Variants in MAF observed in about 807,000 individuals in gnomAD.
The protein encoded by MAF is MAF bZIP transcription factor.
MAF carries 10 observed loss-of-function variants against 22.0 expected under a neutral mutation model. That is an observed-to-expected ratio of 0.45 (90% CI 0.28 to 0.77). The LOEUF is 0.77. Among genes scored for constraint, MAF ranks in the 30% least tolerant of loss-of-function variants. MAF has a pLI of 0.12. For missense variants in MAF, 544 were observed against 548.4 expected (o/e 0.99, Z 0.08); for synonymous variants, 337 against 255.8 (o/e 1.32, Z -3.03).
At chr16:79,213,896 T>C in the MAF span, among the ~76,000 whole-genome samples, 1 of 152,218 alleles carries the variant, frequency 6.6e-6, no homozygotes, top group Non-Finnish European at 1.5e-5. Context: ...AATTTTTTTC[T>C]ACCCTACTTC....
At chr16:79,401,211 C>T in the MAF span, among the ~76,000 whole-genome samples, 1 of 152,236 alleles carries the variant, frequency 6.6e-6, no homozygotes, top group Admixed American at 6.5e-5. Context: ...TTTCTTTAAG[C>T]TAAGTGCATT....
the MAF span, among the ~76,000 whole-genome samples, chr16:79,512,924 C>T: frequency 6.6e-6 from 1 of 152,222 alleles, no homozygotes; most frequent in African/African-American, 2.4e-5. Context: ...ATCCAGGTGG[C>T]TGCAGATGTC....
chr16:79,319,999 C>A, the MAF span, among the ~76,000 whole-genome samples: 3 of 152,092 alleles, frequency 2.0e-5, no homozygotes, highest in African/African-American at 7.2e-5. Context: ...TAAGATCCAG[C>A]CCAGGTGATA....
chr16:79,448,004 G>A, the MAF span, among the ~76,000 whole-genome samples: 2 of 151,954 alleles, frequency 1.3e-5, no homozygotes, highest in African/African-American at 4.8e-5. Flanking sequence ...GCTGCTTATG[G>A]AAGAAAAAAG....
chr16:79,512,929 G>A, the MAF span, among the ~76,000 whole-genome samples: 2 of 152,348 alleles, frequency 1.3e-5, no homozygotes, highest in East Asian at 1.9e-4. Context: ...GGTGGCTGCA[G>A]ATGTCAAGCA....
the MAF span, among the ~76,000 whole-genome samples, chr16:79,251,229 G>A: frequency 1.9e-3 from 284 of 152,042 alleles, 3 homozygotes; most frequent in African/African-American, 6.5e-3. Flanking sequence ...CGCTGATTGC[G>A]CATTTGATGA....
the MAF span, among the ~76,000 whole-genome samples, chr16:79,469,841 C>G: frequency 6.6e-6 from 1 of 152,266 alleles, no homozygotes; most frequent in Admixed American, 6.5e-5. Context: ...GTGATCCACC[C>G]ACCTCGGCCT....
chr16:79,337,332 G>A, the MAF span, among the ~76,000 whole-genome samples: 63 of 152,222 alleles, frequency 4.1e-4, 1 homozygote, highest in Middle Eastern at 6.8e-3. Context: ...AGCACTTTGC[G>A]AGGCCGAGGC....
the MAF span, among the ~76,000 whole-genome samples, chr16:79,431,070 T>G: frequency 1.3e-5 from 2 of 152,096 alleles, no homozygotes; most frequent in Non-Finnish European, 1.5e-5. Flanking sequence ...TCATTTTCTT[T>G]GAATCAGAAC....
the MAF span, among the ~76,000 whole-genome samples, chr16:79,326,407 C>G: frequency 6.6e-6 from 1 of 152,196 alleles, no homozygotes; most frequent in Non-Finnish European, 1.5e-5. Context: ...CTTTTTCCAT[C>G]CCAAATTGCA....
the MAF span, among the ~76,000 whole-genome samples, chr16:79,345,288 TCA>T: frequency 6.6e-6 from 1 of 152,226 alleles, no homozygotes; most frequent in Non-Finnish European, 1.5e-5. Flanking sequence ...TCATCTTTTG[TCA>T]CTCTGCTCAA....
the MAF span, among the ~76,000 whole-genome samples, chr16:79,377,926 T>C: frequency 6.6e-6 from 1 of 152,236 alleles, no homozygotes; most frequent in South Asian, 2.1e-4. Context: ...TTTTGGTTAC[T>C]GTAAACTTGC....
the MAF span, among the ~76,000 whole-genome samples, chr16:79,281,707 T>C: frequency 5.7e-4 from 86 of 152,090 alleles, no homozygotes; most frequent in African/African-American, 2.0e-3. Flanking sequence ...CCACCACGCC[T>C]AGCTAATTTT....
chr16:79,218,567 T>G, the MAF span, among the ~76,000 whole-genome samples: 1 of 152,210 alleles, frequency 6.6e-6, no homozygotes, highest in Non-Finnish European at 1.5e-5. Flanking sequence ...TACTGTTTGT[T>G]TACAACCTTA....
the MAF span, among the ~76,000 whole-genome samples, chr16:79,547,904 G>GAGAGAGAGAC: frequency 1.9e-3 from 261 of 135,026 alleles, no homozygotes; most frequent in South Asian, 9.1e-3. Context: ...GTGTGTGTGA[G>GAGAGAGAGAC]AGAGAGAGAG....
At chr16:79,421,019 C>T in the MAF span, among the ~76,000 whole-genome samples, 788 of 148,462 alleles carry the variant, frequency 5.3e-3, 12 homozygotes, top group African/African-American at 0.017. Context: ...GGTGACAGAG[C>T]GAGACTCTGT....
At chr16:79,440,407 A>G in the MAF span, among the ~76,000 whole-genome samples, 1 of 152,200 alleles carries the variant, frequency 6.6e-6, no homozygotes, top group Admixed American at 6.5e-5. Flanking sequence ...GGTGCAGCAC[A>G]ACCTCAACTA....
At chr16:79,467,038 C>T in the MAF span, among the ~76,000 whole-genome samples, 1 of 152,194 alleles carries the variant, frequency 6.6e-6, no homozygotes, top group Non-Finnish European at 1.5e-5. Flanking sequence ...TAAGCTGAAA[C>T]TGGAAAGATC....
the MAF span, among the ~76,000 whole-genome samples, chr16:79,224,740 A>C: frequency 6.6e-6 from 1 of 152,236 alleles, no homozygotes; most frequent in African/African-American, 2.4e-5. Context: ...GAGCAAAATC[A>C]TGAGTGAACT....
Sources: allele counts gnomAD v4.1 joint callset (sites outside exome capture counted in the v4.1 genomes callset), GRCh38; gene constraint gnomAD v4.1.1; transcripts MANE v1.5; gene names NCBI Gene and HGNC (gene_info 2026-07-23, HGNC 2026-07-21).